ATRNL1: variants seen among roughly 807,000 people sequenced by gnomAD.
The protein encoded by ATRNL1 is attractin like 1, also known as attractin-like protein 1.
Under a neutral mutation model 182.7 loss-of-function variants are expected in ATRNL1, and 95 were observed. The observed-to-expected ratio is 0.52, with a 90% confidence interval of 0.44 to 0.62. The LOEUF (loss-of-function observed/expected upper bound fraction) is 0.62, where lower values mean the gene tolerates loss of function less well. Ranked by LOEUF, ATRNL1 falls within the 20% of genes least tolerant of loss-of-function variation. ATRNL1 has a pLI of 0.00. For synonymous variants in ATRNL1, 576 were observed against 568.3 expected (o/e 1.01, Z -0.19); for missense variants, 1,471 against 1,679.5 (o/e 0.88, Z 2.17).
At chr10:115,162,752 A>T (rs1846852698) in intron 6 of ATRNL1, among the ~76,000 whole-genome samples, 1 of 150,914 alleles carries the variant, frequency 6.6e-6, no homozygotes, top group Non-Finnish European at 1.5e-5. Context: ...GGTTGTGGGG[A>T]ACAGGGGAAG....
At chr10:115,694,941 GCACA>G (rs10580753) in intron 26 of ATRNL1, among the ~76,000 whole-genome samples, 54,950 of 144,640 alleles carry the variant, frequency 0.38, 10,997 homozygotes, top group Admixed American at 0.55. Flanking sequence ...ATGCACACAC[GCACA>G]CACACACACA....
intron 28 of ATRNL1, among the ~76,000 whole-genome samples, chr10:115,887,525 T>C (rs1468577378): frequency 6.6e-6 from 1 of 152,162 alleles, no homozygotes; most frequent in African/African-American, 2.4e-5. Context: ...ATGAGGGCTC[T>C]GCCCTTGTGA....
At chr10:115,902,636 A>G (rs986681420) in intron 28 of ATRNL1, among the ~76,000 whole-genome samples, 24 of 152,236 alleles carry the variant, frequency 1.6e-4, no homozygotes, top group Non-Finnish European at 7.3e-5. Flanking sequence ...CAAAAAGCAA[A>G]TAGCTCAATT....
intron 24 of ATRNL1, among the ~76,000 whole-genome samples, chr10:115,470,196 G>A (rs1848239116): frequency 6.7e-6 from 1 of 150,210 alleles, no homozygotes; most frequent in Non-Finnish European, 1.5e-5. Context: ...GAAAGAATGA[G>A]TGATTTTTAA....
chr10:115,364,137 C>A (rs1333906626), intron 19 of ATRNL1, among the ~76,000 whole-genome samples: 3 of 144,614 alleles, frequency 2.1e-5, no homozygotes, highest in Non-Finnish European at 4.6e-5. Flanking sequence ...GATATTGATT[C>A]TTCCTACCCG....
chr10:115,819,406 A>G (rs1555089557), intron 27 of ATRNL1, among the ~76,000 whole-genome samples: 1 of 152,082 alleles, frequency 6.6e-6, no homozygotes, highest in Non-Finnish European at 1.5e-5. Flanking sequence ...AACTTTTCTG[A>G]TCAGGCCTAT....
At chr10:115,823,927 C>T (rs1363572064) in intron 27 of ATRNL1, among the ~76,000 whole-genome samples, 1 of 152,110 alleles carries the variant, frequency 6.6e-6, no homozygotes, top group African/African-American at 2.4e-5. Flanking sequence ...GAAAAAGCTG[C>T]TTTAAATTTC....
At chr10:115,565,485 C>T (rs1555001399) in intron 26 of ATRNL1, among the ~76,000 whole-genome samples, 1 of 152,042 alleles carries the variant, frequency 6.6e-6, no homozygotes, top group African/African-American at 2.4e-5. Context: ...TGCAAGTATA[C>T]ATTTGTACCA....
At chr10:115,441,799 T>C (rs1592663089) in intron 21 of ATRNL1, among the ~76,000 whole-genome samples, 1 of 152,028 alleles carries the variant, frequency 6.6e-6, no homozygotes, top group African/African-American at 2.4e-5. Context: ...CTTGCTTTTG[T>C]CAAATATCTG....
intron 5 of ATRNL1, among the ~76,000 whole-genome samples, chr10:115,132,714 C>T (rs1554875551): frequency 6.6e-6 from 1 of 152,156 alleles, no homozygotes; most frequent in East Asian, 1.9e-4. Context: ...TGTCTTTTGG[C>T]TGCATAAATG....
intron 28 of ATRNL1, among the ~76,000 whole-genome samples, chr10:115,941,962 A>G (rs1953743636): frequency 1.3e-5 from 2 of 152,360 alleles, no homozygotes; most frequent in South Asian, 4.1e-4. Context: ...AACTTGTAAT[A>G]ACTCTAAAAC....
intron 26 of ATRNL1, among the ~76,000 whole-genome samples, chr10:115,717,225 G>A (rs1280564441): frequency 6.6e-6 from 1 of 152,140 alleles, no homozygotes; most frequent in African/African-American, 2.4e-5. Flanking sequence ...AACTTTACTT[G>A]AGGATGGTAA....
chr10:115,574,969 G>A (rs570275265), intron 26 of ATRNL1, among the ~76,000 whole-genome samples: 46 of 152,200 alleles, frequency 3.0e-4, no homozygotes, highest in African/African-American at 1.1e-3. Context: ...TGCATTTTAG[G>A]TCTGACTCTT....
chr10:115,267,061 T>A, intron 12 of ATRNL1, 56 bp downstream of exon 12: 1 of 1,170,978 alleles, frequency 8.5e-7, no homozygotes, highest in Non-Finnish European at 1.3e-6. Flanking sequence ...TCTACAGAAG[T>A]AGAAATATCT....
At chr10:115,751,680 G>A (rs782590803) in intron 27 of ATRNL1, among the ~76,000 whole-genome samples, 40 of 151,986 alleles carry the variant, frequency 2.6e-4, no homozygotes, top group African/African-American at 9.2e-4. Flanking sequence ...GTGGTATTAC[G>A]TTGTACTATG....
At chr10:115,608,923 A>G (rs1319587208) in intron 26 of ATRNL1, among the ~76,000 whole-genome samples, 1 of 151,990 alleles carries the variant, frequency 6.6e-6, no homozygotes, top group African/African-American at 2.4e-5. Flanking sequence ...TTACTGTATT[A>G]TAATGGTAAT....
intron 21 of ATRNL1, among the ~76,000 whole-genome samples, chr10:115,433,324 G>T (rs1554964341): frequency 2.0e-5 from 3 of 151,952 alleles, no homozygotes; most frequent in Non-Finnish European, 4.4e-5. Flanking sequence ...GAATTATCCT[G>T]GTTTTTGTTC....
chr10:115,689,885 C>T (rs2133969706), intron 26 of ATRNL1, among the ~76,000 whole-genome samples: 1 of 152,278 alleles, frequency 6.6e-6, no homozygotes, highest in African/African-American at 2.4e-5. Context: ...TCATTCATAG[C>T]CCCACACAGG....
chr10:115,163,124 T>G (rs563210864), intron 6 of ATRNL1, among the ~76,000 whole-genome samples: 3 of 151,458 alleles, frequency 2.0e-5, no homozygotes, highest in African/African-American at 7.3e-5. Flanking sequence ...TAACACCATG[T>G]TTGTGTGCTG....
Sources: gnomAD v4.1 joint callset for allele counts (sites outside exome capture counted in the v4.1 genomes callset) on GRCh38, gnomAD v4.1.1 for gene constraint, MANE v1.5 for transcripts, NCBI Gene and HGNC (gene_info 2026-07-23, HGNC 2026-07-21) for gene names.